Variants in SLC36A1 observed in about 807,000 individuals in gnomAD.
SLC36A1 encodes solute carrier family 36 member 1, also known as proton-coupled amino acid transporter 1.
Under a neutral mutation model 47.5 loss-of-function variants are expected in SLC36A1, and 30 were observed. The ratio of observed to expected loss-of-function variants is 0.63; its 90% CI spans 0.47 to 0.86. The LOEUF (loss-of-function observed/expected upper bound fraction) is 0.86, where lower values mean the gene tolerates loss of function less well. SLC36A1 is among the 40% of genes least tolerant of loss of function. SLC36A1 has a pLI of 0.00. For missense variants in SLC36A1, 517 were observed against 606.0 expected, an observed-to-expected ratio of 0.85 and a Z score of 1.54; for synonymous variants, 255 against 249.7, an observed-to-expected ratio of 1.02 and a Z score of -0.20.
chr5:151,527,287 C>T, the SLC36A1 span: 1 of 1,605,724 alleles, frequency 6.2e-7, no homozygotes, highest in Non-Finnish European at 8.5e-7. Context: ...TTATCATTGA[C>T]ATCAGCCACT....
chr5:151,461,961 C>CTTT (rs35783925), intron 2 of SLC36A1, among the ~76,000 whole-genome samples: 1 of 144,596 alleles, frequency 6.9e-6, no homozygotes, highest in Non-Finnish European at 1.5e-5. Flanking sequence ...AACTTGCTGC[C>CTTT]TTTTTTTTTT....
At chr5:151,416,183 T>A in the SLC36A1 span, among the ~76,000 whole-genome samples, 1 of 152,132 alleles carries the variant, frequency 6.6e-6, no homozygotes, top group Non-Finnish European at 1.5e-5. Context: ...CTGCCTGGCA[T>A]CCCCTAATGC....
At chr5:151,404,439 T>G in the SLC36A1 span, among the ~76,000 whole-genome samples, 3 of 152,300 alleles carry the variant, frequency 2.0e-5, no homozygotes, top group Non-Finnish European at 4.4e-5. Context: ...ATAGGTGAGA[T>G]TTTGATCCTG....
the SLC36A1 span, among the ~76,000 whole-genome samples, chr5:151,546,723 CTT>C: frequency 4.8e-5 from 7 of 145,950 alleles, no homozygotes; most frequent in African/African-American, 5.0e-5. Flanking sequence ...TTTTGTATAA[CTT>C]TTTTTTTTTT....
chr5:151,539,266 C>T, the SLC36A1 span, among the ~76,000 whole-genome samples: 1 of 152,192 alleles, frequency 6.6e-6, no homozygotes, highest in Admixed American at 6.5e-5. Flanking sequence ...TTTTATGTGA[C>T]TGGCATGTAG....
At chr5:151,370,840 A>C in the SLC36A1 span, among the ~76,000 whole-genome samples, 1 of 152,096 alleles carries the variant, frequency 6.6e-6, no homozygotes, top group Non-Finnish European at 1.5e-5. Flanking sequence ...TAAAAATACA[A>C]AAATTAGCCG....
At chr5:151,448,529 A>G (rs567866474) in intron 1 of SLC36A1, among the ~76,000 whole-genome samples, 12 of 152,276 alleles carry the variant, frequency 7.9e-5, no homozygotes, top group South Asian at 2.1e-4. Flanking sequence ...CCTGCATTCT[A>G]TGTAAGTCAC....
chr5:151,470,169 G>C (rs1395623089), intron 7 of SLC36A1, among the ~76,000 whole-genome samples: 1 of 152,156 alleles, frequency 6.6e-6, no homozygotes, highest in African/African-American at 2.4e-5. Flanking sequence ...ACAAGGAAGG[G>C]TAAATATTTA....
At chr5:151,448,008 G>C (rs1425477678) in intron 1 of SLC36A1, 195 bp downstream of exon 1, 1 of 152,330 alleles carries the variant, frequency 6.6e-6, no homozygotes, top group East Asian at 1.9e-4. Flanking sequence ...GGGAAACTGG[G>C]GTAGATGGTG....
chr5:151,467,583 C>T, intron 6 of SLC36A1, 124 bp from the exon 7 acceptor site: 3 of 788,372 alleles, frequency 3.8e-6, no homozygotes, highest in Non-Finnish European at 6.3e-6. Context: ...GCTCACTGGC[C>T]ACAGATTCTA....
chr5:151,428,101 T>C, the SLC36A1 span, among the ~76,000 whole-genome samples: 1 of 152,188 alleles, frequency 6.6e-6, no homozygotes, highest in African/African-American at 2.4e-5. Flanking sequence ...TGGCGGCAAC[T>C]CCAGAGACAT....
At chr5:151,367,237 G>A in the SLC36A1 span, among the ~76,000 whole-genome samples, 7 of 152,198 alleles carry the variant, frequency 4.6e-5, no homozygotes, top group East Asian at 9.6e-4. Flanking sequence ...CCAGGGCTGC[G>A]TTTTCCCAAC....
the SLC36A1 span, among the ~76,000 whole-genome samples, chr5:151,411,908 T>TAGG: frequency 3.5e-5 from 5 of 144,786 alleles, no homozygotes; most frequent in African/African-American, 1.3e-4. Context: ...CTATTTTAAA[T>TAGG]AGGAGAAATT....
chr5:151,451,196 T>G (rs1283336866), intron 1 of SLC36A1, among the ~76,000 whole-genome samples: 1 of 151,872 alleles, frequency 6.6e-6, no homozygotes, highest in Non-Finnish European at 1.5e-5. Context: ...AGTTCTTTTT[T>G]TACTTATTAT....
the SLC36A1 span, among the ~76,000 whole-genome samples, chr5:151,499,383 A>G: frequency 1.3e-5 from 2 of 152,160 alleles, no homozygotes; most frequent in African/African-American, 2.4e-5. Context: ...CTGGCATTGC[A>G]CCAGTGTTTC....
the SLC36A1 span, chr5:151,504,698 G>T: frequency 6.6e-6 from 1 of 152,668 alleles, no homozygotes; most frequent in Non-Finnish European, 1.5e-5. Flanking sequence ...TTTTTAAAAT[G>T]AAGAATTAGT....
the SLC36A1 span, among the ~76,000 whole-genome samples, chr5:151,359,113 A>G: frequency 2.0e-5 from 3 of 152,204 alleles, no homozygotes; most frequent in African/African-American, 7.2e-5. Flanking sequence ...TGTATGGTGA[A>G]TTACTGAATC....
chr5:151,383,016 G>A, the SLC36A1 span, among the ~76,000 whole-genome samples: 4 of 152,070 alleles, frequency 2.6e-5, no homozygotes, highest in African/African-American at 7.2e-5. Flanking sequence ...CACCCACCTC[G>A]GCCTCCCAAA....
the SLC36A1 span, among the ~76,000 whole-genome samples, chr5:151,396,735 A>G: frequency 2.6e-5 from 4 of 152,194 alleles, no homozygotes; most frequent in African/African-American, 9.7e-5. Context: ...AGTCTCTTCT[A>G]TGTGACAAGC....
Sources: allele counts gnomAD v4.1 joint callset (sites outside exome capture counted in the v4.1 genomes callset), GRCh38; gene constraint gnomAD v4.1.1; transcripts MANE v1.5; gene names NCBI Gene and HGNC (gene_info 2026-07-23, HGNC 2026-07-21).